The following PCDHGB1 variants were observed in gnomAD, a reference collection of about 807,000 sequenced individuals.
PCDHGB1 encodes protocadherin gamma-B1.
In PCDHGB1, 34 loss-of-function variants were observed where a neutral mutation model predicts 56.6. That is an observed-to-expected ratio of 0.60 (90% confidence interval 0.46 to 0.80). The LOEUF (loss-of-function observed/expected upper bound fraction) is 0.80. Among genes scored for constraint, PCDHGB1 ranks in the 30% least tolerant of loss-of-function variants. The probability of loss-of-function intolerance (pLI) is 0.00; values close to 1 mark genes in which losing one functional copy is unlikely to be tolerated. For synonymous variants in PCDHGB1, 561 were observed against 505.9 expected (o/e 1.11, Z -1.46); for missense variants, 1,278 against 1,204.6 (o/e 1.06, Z -0.90).
chr5:141,367,062 T>C (rs1420841917), intron 1 of PCDHGB1: 1 of 308,254 alleles, frequency 3.2e-6, no homozygotes, highest in East Asian at 7.5e-5. Context: ...ATGTTTTATT[T>C]ATTCAAATTG....
intron 1 of PCDHGB1, among the ~76,000 whole-genome samples, chr5:141,402,740 C>A (rs2094301178): frequency 6.6e-6 from 1 of 152,146 alleles, no homozygotes; most frequent in Non-Finnish European, 1.5e-5. Context: ...CGCTGTTGAT[C>A]AACTCTAAGC....
At chr5:141,483,584 T>C (rs2099583159) in intron 1 of PCDHGB1, among the ~76,000 whole-genome samples, 1 of 152,064 alleles carries the variant, frequency 6.6e-6, no homozygotes, top group African/African-American at 2.4e-5. Context: ...CATAAACACC[T>C]AATAGGTCAG....
rs765756193 is a variant in PCDHGB1, at chr5:141,511,105, C to T, written c.2716C>T (p.Arg906Trp). The T allele has an allele frequency of 2.8e-5, 46 of 1,614,196 alleles. No individual in the cohort carries two copies. In the East Asian group the frequency reaches 3.1e-4, roughly 11 times the overall value. Residue 906 changes from arginine to tryptophan, a missense_variant, in exon 4 of 4, where the codon CGG becomes TGG. Transcript: ENST00000523390. ...CACACTGACCAACGCAGCTGGCAAG[C>T]GGGATGGCAAGGCCCCAGCAGGTGG... ...NATLTNAAGK[R>W]DGKAPAGGNG...
intron 1 of PCDHGB1, chr5:141,370,831 C>T (rs1445899321): frequency 6.2e-7 from 1 of 1,613,948 alleles, no homozygotes; most frequent in Non-Finnish European, 8.5e-7. Context: ...AGCGAACTGG[C>T]TCTCACTGGA....
At chr5:141,378,996 A>G (rs1477172762) in intron 1 of PCDHGB1, 1 of 152,260 alleles carries the variant, frequency 6.6e-6, no homozygotes, top group Non-Finnish European at 1.5e-5. Context: ...CATTATAGTC[A>G]AGATTTTTCT....
At position 141,390,471 on chromosome 5, in the gene PCDHGB1, G is replaced by C. The variant is rs969771801; in HGVS notation, c.2409+37802G>C. The C allele has an allele frequency of 7.2e-6, 5 of 697,624 alleles. No homozygotes were observed. The African/African-American group carries it at 9.0e-5, about 13-fold the overall frequency. The allele number at this position is 697,624 out of a possible 1,614,324, so 43.2% of individuals were successfully genotyped here. On this transcript the variant is annotated intron_variant, in intron 1 of 3. Coordinates refer to ENST00000523390, the MANE Select transcript of PCDHGB1 (RefSeq NM_018922.3). ...GGAGTAAAGTAGGAGCAATTGTGTG[G>C]CCCAACATTTGTTTGTTTTTTAGCC... is the stretch of plus-strand genomic sequence containing the variant.
intron 1 of PCDHGB1, chr5:141,388,215 G>A (rs2091280920): frequency 6.3e-7 from 1 of 1,597,062 alleles, no homozygotes. Flanking sequence ...GGCTGTTGCT[G>A]AAAATCCACT....
chr5:141,357,569 C>G, intron 1 of PCDHGB1: 1 of 1,614,208 alleles, frequency 6.2e-7, no homozygotes, highest in Non-Finnish European at 8.5e-7. Context: ...AAAAGCGAGC[C>G]TCTTCTGATA....
chr5:141,362,677 G>T, intron 1 of PCDHGB1: 2 of 1,225,610 alleles, frequency 1.6e-6, no homozygotes, highest in Non-Finnish European at 1.1e-6. Context: ...TGCCTTAATT[G>T]TCTTAATCTT....
At chr5:141,382,013 G>C (rs1000379234) in intron 1 of PCDHGB1, among the ~76,000 whole-genome samples, 1 of 151,580 alleles carries the variant, frequency 6.6e-6, no homozygotes, top group Admixed American at 6.6e-5. Flanking sequence ...ATTTTTAGTA[G>C]AGACGGGGTT....
At chr5:141,399,942 G>A (rs780939486) in intron 1 of PCDHGB1, 12 of 1,612,140 alleles carry the variant, frequency 7.4e-6, no homozygotes, top group Middle Eastern at 1.9e-4. Context: ...ACCACGTGCT[G>A]CAGGCTAGCG....
intron 1 of PCDHGB1, among the ~76,000 whole-genome samples, chr5:141,464,197 G>A (rs1216682352): frequency 3.3e-5 from 5 of 151,394 alleles, no homozygotes; most frequent in African/African-American, 9.7e-5. Context: ...TTCAGGAGGC[G>A]GAGATTGCAG....
chr5:141,415,819 TA>T, intron 1 of PCDHGB1: 2 of 1,328,322 alleles, frequency 1.5e-6, no homozygotes, highest in African/African-American at 1.5e-5. Context: ...CTATATATCA[TA>T]AGGCTTTGTT....
chr5:141,378,051 T>C (rs539609296), intron 1 of PCDHGB1: 1 of 152,310 alleles, frequency 6.6e-6, no homozygotes, highest in East Asian at 1.9e-4. Flanking sequence ...TCCTTATCTA[T>C]CTGACTCAAA....
chr5:141,383,931 T>C lies in PCDHGB1; in HGVS notation c.2409+31262T>C, dbSNP rs1017184990. ...CAGTTTTAGATGTAAATGATAATGC[T>C]CCAGAAGTGACTATGACGTCTTTAA... On this transcript the variant is annotated intron_variant, in intron 1 of 3. Transcript: ENST00000523390. 2.5e-6 allele frequency: 4 copies of C among 1,613,818 alleles called. No homozygotes were observed. In the South Asian group the frequency reaches 4.4e-5, roughly 18 times the overall value.
intron 1 of PCDHGB1, among the ~76,000 whole-genome samples, chr5:141,470,448 T>C (rs1384666661): frequency 6.6e-6 from 1 of 152,192 alleles, no homozygotes. Flanking sequence ...TTTAATAGCA[T>C]CTTGAATAGG....
At chr5:141,374,961 G>C (rs1770983787) in intron 1 of PCDHGB1, 1 of 1,614,028 alleles carries the variant, frequency 6.2e-7, no homozygotes, top group Non-Finnish European at 8.5e-7. Flanking sequence ...CAAATTTTCT[G>C]TTTGAATGTT....
intron 1 of PCDHGB1, among the ~76,000 whole-genome samples, chr5:141,397,331 TA>T (rs1194266776): frequency 2.0e-5 from 3 of 152,214 alleles, no homozygotes; most frequent in Non-Finnish European, 4.4e-5. Flanking sequence ...AAATTATTTT[TA>T]TAAAGAATGT....
chr5:141,454,281 A>C (rs1048947689), intron 1 of PCDHGB1, among the ~76,000 whole-genome samples: 2 of 152,242 alleles, frequency 1.3e-5, no homozygotes, highest in African/African-American at 4.8e-5. Context: ...AAAACTTCAC[A>C]TTAAAGGAAC....
Sources: gnomAD v4.1 joint callset for allele counts (sites outside exome capture counted in the v4.1 genomes callset) on GRCh38, gnomAD v4.1.1 for gene constraint, MANE v1.5 for transcripts, NCBI Gene and HGNC (gene_info 2026-07-23, HGNC 2026-07-21) for gene names.